Variants in NCEH1 observed in about 807,000 individuals in gnomAD.
NCEH1 encodes the protein 2-acetyl MAGE hydrolase.
A neutral mutation model predicts 25.4 loss-of-function variants in NCEH1; 9 were observed. The observed-to-expected ratio is 0.35, with a 90% CI of 0.21 to 0.62. NCEH1 has a LOEUF of 0.62. NCEH1 is among the 20% of genes least tolerant of loss of function. NCEH1 has a pLI of 0.72. For missense variants in NCEH1, 412 were observed against 501.1 expected, an observed-to-expected ratio of 0.82 and a Z score of 1.70; for synonymous variants, 200 against 199.8, an observed-to-expected ratio of 1.00 and a Z score of -0.01.
chr3:172,676,730 G>A (rs1347412043), intron 1 of NCEH1, among the ~76,000 whole-genome samples: 3 of 152,126 alleles, frequency 2.0e-5, no homozygotes, highest in African/African-American at 7.2e-5. Context: ...CTAAACTGGC[G>A]CGAGACCAAG....
In NCEH1 at chr3:172,710,802, T is replaced by G. The variant is rs770815639; in HGVS notation, c.138+45A>C. ...GGAATTTTGTATCCCCTTCAAATAT[T>G]GCGTAAGAGGAGGAAGAGAGAAGCA... On this transcript the variant is annotated intron_variant, in intron 1 of 4. Coordinates refer to ENST00000475381, the MANE Select transcript of NCEH1 (RefSeq NM_020792.6). 35 of 1,604,642 alleles carry G rather than the reference T, an allele frequency of 2.2e-5. No individual in the cohort carries two copies. The Admixed American group carries it at 5.9e-4, about 27-fold the overall frequency.
chr3:172,670,331 T>G (rs1429333473), intron 1 of NCEH1, among the ~76,000 whole-genome samples: 1 of 152,226 alleles, frequency 6.6e-6, no homozygotes, highest in African/African-American at 2.4e-5. Context: ...CCATTACACT[T>G]TTATTGAAAA....
At chr3:172,682,666 C>T (rs895045505) in intron 1 of NCEH1, among the ~76,000 whole-genome samples, 1 of 152,218 alleles carries the variant, frequency 6.6e-6, no homozygotes, top group Non-Finnish European at 1.5e-5. Context: ...ACCTTCAACA[C>T]TCCTATTTAT....
chr3:172,691,343 T>C (rs552338429), intron 1 of NCEH1, among the ~76,000 whole-genome samples: 4 of 61,680 alleles, frequency 6.5e-5, no homozygotes, highest in Non-Finnish European at 1.3e-4. Flanking sequence ...TGTTGCATTA[T>C]CATTATGAGC....
intron 1 of NCEH1, among the ~76,000 whole-genome samples, chr3:172,681,867 C>T (rs959376859): frequency 6.6e-6 from 1 of 150,998 alleles, no homozygotes; most frequent in African/African-American, 2.4e-5. Context: ...GGTGAGATCA[C>T]ACCACTGCAC....
chr3:172,678,736 C>T (rs779888231), intron 1 of NCEH1, among the ~76,000 whole-genome samples: 3 of 152,172 alleles, frequency 2.0e-5, no homozygotes, highest in Non-Finnish European at 2.9e-5. Flanking sequence ...AGGGGCACAA[C>T]TGCAGGCTTC....
intron 1 of NCEH1, among the ~76,000 whole-genome samples, chr3:172,689,059 T>C (rs1712871026): frequency 6.6e-6 from 1 of 152,170 alleles, no homozygotes. Flanking sequence ...GAGACTTTGG[T>C]TTACTCCTTG....
At chr3:172,690,364 A>G (rs1712968665) in intron 1 of NCEH1, among the ~76,000 whole-genome samples, 1 of 152,254 alleles carries the variant, frequency 6.6e-6, no homozygotes, top group Admixed American at 6.5e-5. Context: ...CTCTTTTCAA[A>G]GAGATTCCAA....
chr3:172,678,053 C>T (rs1219540369), intron 1 of NCEH1, among the ~76,000 whole-genome samples: 1 of 152,176 alleles, frequency 6.6e-6, no homozygotes, highest in African/African-American at 2.4e-5. Flanking sequence ...TAAACGGAAA[C>T]CTCTCCTATT....
chr3:172,698,890 A>T (rs1027974125), intron 1 of NCEH1, among the ~76,000 whole-genome samples: 5 of 152,252 alleles, frequency 3.3e-5, no homozygotes, highest in African/African-American at 1.2e-4. Flanking sequence ...TAACACAGTG[A>T]TAATGGAAGC....
intron 1 of NCEH1, among the ~76,000 whole-genome samples, chr3:172,654,466 A>C (rs1717599820): frequency 6.6e-6 from 1 of 152,314 alleles, no homozygotes; most frequent in East Asian, 1.9e-4. Flanking sequence ...CAGATATTCC[A>C]ATGTTTCTAG....
chr3:172,704,772 A>G (rs559760576), intron 1 of NCEH1, among the ~76,000 whole-genome samples: 30 of 152,250 alleles, frequency 2.0e-4, no homozygotes, highest in Non-Finnish European at 3.8e-4. Context: ...TGGGAAGCCA[A>G]AGCGGGAGGA....
At chr3:172,702,673 T>A (rs1475534029) in intron 1 of NCEH1, among the ~76,000 whole-genome samples, 1 of 152,178 alleles carries the variant, frequency 6.6e-6, no homozygotes, top group Non-Finnish European at 1.5e-5. Flanking sequence ...GGCGATATAG[T>A]CAGGTTTTTC....
intron 1 of NCEH1, among the ~76,000 whole-genome samples, chr3:172,700,149 T>C (rs1713599375): frequency 6.6e-6 from 1 of 152,222 alleles, no homozygotes; most frequent in South Asian, 2.1e-4. Context: ...AGCCATTTTG[T>C]ATAACTATAC....
chr3:172,667,150 G>A (rs577256499), intron 1 of NCEH1, among the ~76,000 whole-genome samples: 38 of 152,330 alleles, frequency 2.5e-4, no homozygotes, highest in African/African-American at 8.9e-4. Flanking sequence ...ACAGTTAGGA[G>A]TAAGATGTCT....
At chr3:172,699,955 C>T (rs138937198) in intron 1 of NCEH1, among the ~76,000 whole-genome samples, 124 of 152,300 alleles carry the variant, frequency 8.1e-4, no homozygotes, top group East Asian at 5.2e-3. Context: ...ATAAATTATA[C>T]GGCTACCTAA....
Position 172,710,854 on chromosome 3 carries a change from T to C in NCEH1, c.131A>G (p.Gln44Arg). 6.2e-7 allele frequency: 1 copy of C among 1,614,030 alleles called. No individual in the cohort carries two copies. The highest frequency in any genetic ancestry group is 8.5e-7 in the Non-Finnish European group (1 of 1,180,010). ...MLLDATFRGA[Q>R]QVSNLIHYLG... ...CGCTGGGCTGCACCTCACCACTTGC[T>C]GTGCACCCCGGAAAGTGGCGTCCAG... Residue 44 changes from glutamine (Q) to arginine (R), a missense_variant, in exon 1 of 5, where the codon CAG becomes CGG. Coordinates refer to ENST00000475381, the MANE Select transcript of NCEH1 (RefSeq NM_020792.6).
chr3:172,656,613 A>T (rs1717706694), intron 1 of NCEH1, among the ~76,000 whole-genome samples: 1 of 152,076 alleles, frequency 6.6e-6, no homozygotes, highest in African/African-American at 2.4e-5. Context: ...AAAAAATACA[A>T]AAATTAGCCT....
chr3:172,683,216 A>T (rs1215546951), intron 1 of NCEH1, among the ~76,000 whole-genome samples: 31 of 73,568 alleles, frequency 4.2e-4, no homozygotes, highest in Middle Eastern at 5.9e-3. Flanking sequence ...ATCCCAGCTA[A>T]AACGGTGAAA....
Sources: gnomAD v4.1 joint callset for allele counts (sites outside exome capture counted in the v4.1 genomes callset) on GRCh38, gnomAD v4.1.1 for gene constraint, MANE v1.5 for transcripts, NCBI Gene and HGNC (gene_info 2026-07-23, HGNC 2026-07-21) for gene names.